TLE6: variants seen among roughly 807,000 people sequenced by gnomAD.
TLE6 encodes the protein TLE family member 6, subcortical maternal complex member.
In TLE6, 72 loss-of-function variants were observed where a neutral mutation model predicts 77.1. The observed-to-expected ratio is 0.93, with a 90% CI of 0.77 to 1.14. The LOEUF (loss-of-function observed/expected upper bound fraction) is 1.14, where lower values mean the gene tolerates loss of function less well. Among genes scored for constraint, TLE6 ranks in the 50% most tolerant of loss-of-function variants. TLE6 has a pLI of 0.00. For missense variants in TLE6, 843 were observed against 747.6 expected (o/e 1.13, Z -1.49); for synonymous variants, 366 against 287.3 (o/e 1.27, Z -2.77).
At chr19:2,986,069 CTCAAAAAAAAAAAA>C (rs2088902338) in intron 5 of TLE6, among the ~76,000 whole-genome samples, 1 of 45,884 alleles carries the variant, frequency 2.2e-5, no homozygotes, top group African/African-American at 8.7e-5. Flanking sequence ...GTGAGACTGT[CTCAAAAAAAAAAAA>C]AAAAAAAAAA....
chr19:2,983,247 G>T (rs115157297), intron 5 of TLE6, among the ~76,000 whole-genome samples: 2,029 of 152,294 alleles, frequency 0.013, 46 homozygotes, highest in African/African-American at 0.046. Context: ...GCCAAATACT[G>T]TTGTAGAAGC....
intron 3 of TLE6, 124 bp from the exon 4 acceptor site, chr19:2,981,414 T>A: frequency 2.2e-6 from 2 of 922,420 alleles, no homozygotes; most frequent in Non-Finnish European, 3.3e-6. Context: ...GCCTTAAATT[T>A]GGCTTCTGGA....
chr19:2,978,865 A>T (rs1455926792), intron 2 of TLE6, among the ~76,000 whole-genome samples: 2 of 152,146 alleles, frequency 1.3e-5, no homozygotes, highest in Non-Finnish European at 2.9e-5. Flanking sequence ...CGTCCCAGAG[A>T]TGACCATTTG....
chr19:2,990,897 A>G (rs1397963624), intron 13 of TLE6, among the ~76,000 whole-genome samples: 2 of 151,538 alleles, frequency 1.3e-5, no homozygotes, highest in Non-Finnish European at 1.5e-5. Context: ...GCTACCCCGG[A>G]GGCTGAGGCA....
At chr19:2,987,495 C>G in intron 8 of TLE6, 123 bp downstream of exon 8, 5 of 1,421,296 alleles carry the variant, frequency 3.5e-6, no homozygotes, top group Non-Finnish European at 4.9e-6. Context: ...CCCCTCGGGT[C>G]CCCCGGGGGG....
rs200411921 is a variant in TLE6, at chr19:2,989,522, C to T, written c.994-13C>T. 17 of 1,605,472 alleles carry T rather than the reference C, an allele frequency of 1.1e-5. No homozygotes were observed. Among genetic ancestry groups the T allele is most frequent in the Non-Finnish European group, 1.4e-5 (16 of 1,176,120 alleles). ...CGGGGGGCGACAGCTCACAGTGACT[C>T]TGCCCATCCCAGACCCCTGGGGCCT... On this transcript the variant is annotated splice_polypyrimidine_tract_variant and intron_variant, in intron 12 of 16. Transcript: ENST00000246112.
intron 16 of TLE6, among the ~76,000 whole-genome samples, chr19:2,994,574 C>T (rs770875338): frequency 2.0e-5 from 3 of 151,618 alleles, no homozygotes; most frequent in African/African-American, 2.4e-5. Context: ...TGTGCCACTG[C>T]ACTCCAGCCT....
intron 3 of TLE6, 176 bp downstream of exon 3, chr19:2,980,358 G>A (rs958544869): frequency 5.8e-5 from 26 of 445,232 alleles, no homozygotes; most frequent in African/African-American, 4.9e-4. Flanking sequence ...CCCAGCTTTT[G>A]ATTAAACAAA....
Position 2,978,249 on chromosome 19 carries a change from C to A in TLE6, c.16C>A (p.Gln6Lys), listed in dbSNP as rs1331004920. MTSRDQPRPKGPPKST... is the reference protein window; with the variant it reads MTSRDKPRPKGPPKST... ...TGCCTTGAAGATGACCTCTAGGGAC[C>A]AGCCCAGACCCAAGGGCCCCCCGAA... Residue 6 changes from glutamine to lysine, a missense_variant, in exon 2 of 17, where the codon CAG (glutamine) becomes AAG (lysine). Gln to Lys is a moderately conservative substitution (Grantham distance 53). Transcript: ENST00000246112. 1 of 1,551,480 alleles carries A rather than the reference C, an allele frequency of 6.4e-7. No individual in the cohort carries two copies. The highest frequency in any genetic ancestry group is 2.0e-5 in the Admixed American group (1 of 50,952).
Position 2,981,545 on chromosome 19 carries a change from C to A in TLE6, c.142C>A (p.Pro48Thr). The change falls in exon 4 of 17, where the codon CCT becomes ACT. Residue 48 changes from proline to threonine, a missense_variant. Coordinates refer to ENST00000246112, the MANE Select transcript of TLE6 (RefSeq NM_001143986.2). ...GTCCTCCTTCCCCCTCAGGTTTTCT[C>A]CTCATTTTGCTGCGGAGTTGGAGAG... ...NRLKQFPRFS[P>T]HFAAELESIY... is the part of the protein sequence containing the mutation. The A allele has an allele frequency of 6.5e-7, 1 of 1,550,166 alleles. No homozygotes were observed. Among genetic ancestry groups the A allele is most frequent in the African/African-American group, 1.4e-5 (1 of 73,118 alleles).
At chr19:2,990,172 G>A (rs1398600984) in intron 13 of TLE6, among the ~76,000 whole-genome samples, 1 of 151,870 alleles carries the variant, frequency 6.6e-6, no homozygotes, top group East Asian at 1.9e-4. Flanking sequence ...GTCAAGACGG[G>A]ACAAATGCTT....
At chr19:2,983,508 A>G (rs1599154201) in intron 5 of TLE6, among the ~76,000 whole-genome samples, 1 of 152,002 alleles carries the variant, frequency 6.6e-6, no homozygotes, top group African/African-American at 2.4e-5. Flanking sequence ...GATGGGAGGG[A>G]TATTTCAGGC....
chr19:2,987,570 C>A, intron 8 of TLE6, 154 bp from the exon 9 acceptor site: 1 of 1,098,430 alleles, frequency 9.1e-7, no homozygotes, highest in Non-Finnish European at 1.4e-6. Context: ...GCTTCCAGGA[C>A]CCTATACCCT....
rs1259556948 is a variant in TLE6 at position 2,995,111 on chromosome 19, G to T, written c.*107G>T. 10 of 704,572 alleles carry T rather than the reference G, an allele frequency of 1.4e-5. No homozygotes were observed. Among genetic ancestry groups the T allele is most frequent in the Non-Finnish European group, 2.4e-5 (10 of 415,526 alleles). 43.6% of individuals were successfully genotyped at this position (704,572 alleles called of 1,614,324 possible). A position where few individuals can be genotyped will look rare whatever the true frequency, so the allele number is the denominator to read the frequency against. ...AGGGAAGCGGGAAGGCTCTTCTGTG[G>T]CATCGCACGATCTAGTCTGTGGTGT... On this transcript the variant is annotated 3_prime_UTR_variant, in exon 17 of 17. Transcript: ENST00000246112.
intron 5 of TLE6, chr19:2,983,937 G>A (rs1331290462): frequency 6.6e-6 from 1 of 152,274 alleles, no homozygotes; most frequent in Non-Finnish European, 1.5e-5. Context: ...CAGAGCAAAG[G>A]AGCCACTTCG....
chr19:2,994,814 G>T, intron 16 of TLE6, 86 bp from the exon 17 acceptor site: 1 of 731,502 alleles, frequency 1.4e-6, no homozygotes, highest in South Asian at 1.7e-5. Flanking sequence ...TCTTTGAAGA[G>T]ACGATGCTTC....
chr19:2,981,137 T>TCACCTGGAGTCAGGGGTTTGA (rs1228954726), intron 3 of TLE6, among the ~76,000 whole-genome samples: 18 of 152,030 alleles, frequency 1.2e-4, no homozygotes, highest in Non-Finnish European at 2.5e-4. Flanking sequence ...GGTGGGCGGA[T>TCACCTGGAGTCAGGGGTTTGA]CACCTGGAGT....
rs539676180 is a variant in TLE6, at chr19:2,983,318, G to A, written c.222+1129G>A. Among the ~76,000 whole-genome samples the A allele has an allele frequency of 8.5e-5, 13 of 152,344 alleles. No homozygotes were observed. In the South Asian group the frequency reaches 2.5e-3, roughly 29 times the overall value. ...CCCTTGGGGCGAGTGGAGCCTGGTA[G>A]ATGGAGTGTTAGGGGATGAGGGCTG... On this transcript the variant is annotated intron_variant, in intron 5 of 16. Transcript: ENST00000246112.
In TLE6 at chr19:2,994,094, A is replaced by C. The variant is rs2089153596; in HGVS notation, c.1613A>C (p.Glu538Ala). The C allele has an allele frequency of 6.4e-7, 1 of 1,568,922 alleles. No individual in the cohort carries two copies. Among genetic ancestry groups the C allele is most frequent in the Non-Finnish European group, 8.6e-7 (1 of 1,160,548 alleles). ...ATGCCGGCGGGGACAAAAGTGTTCG[A>C]GGTACTGCGGTGGGCTGGGGGCAGG... Reference protein sequence around the residue: ...YSMPAGTKVFEVPEMSPVTCC... With the variant: ...YSMPAGTKVFAVPEMSPVTCC... Residue 538 changes from glutamate (E) to alanine (A), a missense_variant and splice_region_variant, in exon 16 of 17, where the codon GAG becomes GCG. Transcript: ENST00000246112.
Sources: allele counts gnomAD v4.1 joint callset (sites outside exome capture counted in the v4.1 genomes callset), GRCh38; gene constraint gnomAD v4.1.1; transcripts MANE v1.5; gene names NCBI Gene and HGNC (gene_info 2026-07-23, HGNC 2026-07-21).